WDR27: variants seen among roughly 807,000 people sequenced by gnomAD.
WDR27 encodes the protein WD repeat-containing protein 27.
In WDR27, 100 loss-of-function variants were observed where a neutral mutation model predicts 114.4. That is an observed-to-expected ratio of 0.87 (90% CI 0.74 to 1.03). WDR27 has a LOEUF of 1.03. Ranked by LOEUF, WDR27 falls within the 50% of genes least tolerant of loss-of-function variation. The pLI, the probability that WDR27 is intolerant of heterozygous loss-of-function variation, is 0.00. For synonymous variants in WDR27, 449 were observed against 423.1 expected (o/e 1.06, Z -0.75); for missense variants, 1,129 against 1,092.9 (o/e 1.03, Z -0.47).
At chr6:169,591,889 A>C (rs112579316) in intron 23 of WDR27, among the ~76,000 whole-genome samples, 2,696 of 151,060 alleles carry the variant, frequency 0.018, 25 homozygotes, top group Non-Finnish European at 0.028. Flanking sequence ...TCCCTGGCTC[A>C]TCTTGTAAGT....
At chr6:169,626,195 G>A (rs532469039) in intron 21 of WDR27, among the ~76,000 whole-genome samples, 2 of 152,314 alleles carry the variant, frequency 1.3e-5, no homozygotes, top group Admixed American at 6.5e-5. Context: ...AGCTGCTGGG[G>A]AGCAACTGCA....
intron 25 of WDR27, among the ~76,000 whole-genome samples, chr6:169,538,882 CACACATTACAG>C (rs1205558472): frequency 2.6e-5 from 4 of 152,142 alleles, no homozygotes; most frequent in Non-Finnish European, 5.9e-5. Flanking sequence ...CCATGAAATA[CACACATTACAG>C]ACTACCAAAT....
At chr6:169,436,261 C>A in the WDR27 span, among the ~76,000 whole-genome samples, 22 of 152,208 alleles carry the variant, frequency 1.4e-4, no homozygotes, top group South Asian at 4.1e-3. Context: ...AAAAATAGAG[C>A]TGTTTTCAGA....
chr6:169,525,861 A>C (rs142738707), intron 25 of WDR27, among the ~76,000 whole-genome samples: 38 of 152,348 alleles, frequency 2.5e-4, no homozygotes, highest in African/African-American at 8.7e-4. Flanking sequence ...GGACAAATGG[A>C]TAAAGAAAAT....
chr6:169,448,432 A>ATT, the WDR27 span, among the ~76,000 whole-genome samples: 3 of 150,336 alleles, frequency 2.0e-5, no homozygotes. Context: ...GTATATATAT[A>ATT]TATTTTTTTA....
chr6:169,428,370 G>T, the WDR27 span, among the ~76,000 whole-genome samples: 1 of 152,174 alleles, frequency 6.6e-6, no homozygotes, highest in Non-Finnish European at 1.5e-5. Flanking sequence ...AGCCATTTCA[G>T]AAAGTTTAGA....
chr6:169,641,430 T>G (rs1161790597), intron 17 of WDR27, among the ~76,000 whole-genome samples: 1 of 152,132 alleles, frequency 6.6e-6, no homozygotes, highest in African/African-American at 2.4e-5. Context: ...CCCTCCTCTT[T>G]TCAGTTGGCC....
intron 23 of WDR27, among the ~76,000 whole-genome samples, chr6:169,596,567 G>A (rs935267568): frequency 6.6e-6 from 1 of 151,658 alleles, no homozygotes; most frequent in African/African-American, 2.4e-5. Flanking sequence ...TTTTTATGGT[G>A]TACTCTTGTT....
intron 24 of WDR27, among the ~76,000 whole-genome samples, chr6:169,575,725 C>A (rs1037361461): frequency 3.3e-5 from 5 of 152,196 alleles, no homozygotes. Flanking sequence ...TATTTTGATG[C>A]ACCATCTAAT....
intron 25 of WDR27, among the ~76,000 whole-genome samples, chr6:169,472,820 A>G (rs934886298): frequency 6.6e-6 from 1 of 152,186 alleles, no homozygotes; most frequent in African/African-American, 2.4e-5. Context: ...CATTTATTTA[A>G]AAGTCCCAAA....
At chr6:169,428,775 CT>C in the WDR27 span, among the ~76,000 whole-genome samples, 1 of 152,308 alleles carries the variant, frequency 6.6e-6, no homozygotes, top group Admixed American at 6.5e-5. Context: ...AGGGTGAGCC[CT>C]TGCCTTCACA....
chr6:169,665,383 A>T, intron 7 of WDR27, 103 bp downstream of exon 7: 1 of 1,474,260 alleles, frequency 6.8e-7, no homozygotes, highest in Middle Eastern at 1.8e-4. Context: ...GGTTTTTTCA[A>T]ATCGCAGGAA....
Position 169,498,935 on chromosome 6 carries a change from A to ACGGAACTGCATACCTGCG in WDR27, c.2646-41319_2646-41302dup, listed in dbSNP as rs1307772799. On this transcript the variant is annotated intron_variant, in intron 25 of 25. Transcript: ENST00000448612. The stretch of plus-strand genomic sequence containing the variant: ...ATCTAGACACATGTAATAATACTGC[A>ACGGAACTGCATACCTGCG]CGGAACTGCATACCTGCGCAGAACT... Among the ~76,000 whole-genome samples the ACGGAACTGCATACCTGCG allele has an allele frequency of 2.6e-5, 4 of 152,312 alleles. No individual in the cohort carries two copies. The East Asian group carries it at 5.8e-4, about 22-fold the overall frequency.
chr6:169,687,194 T>C (rs2128295767), intron 2 of WDR27, among the ~76,000 whole-genome samples: 1 of 152,274 alleles, frequency 6.6e-6, no homozygotes, highest in East Asian at 1.9e-4. Context: ...CCATCCCAAT[T>C]ATCCTGATTT....
intron 25 of WDR27, among the ~76,000 whole-genome samples, chr6:169,505,410 C>T (rs1322863243): frequency 6.6e-6 from 1 of 152,178 alleles, no homozygotes; most frequent in Non-Finnish European, 1.5e-5. Context: ...CAGATAGGCA[C>T]ATGCACCATT....
chr6:169,431,886 G>T, the WDR27 span, among the ~76,000 whole-genome samples: 1 of 152,096 alleles, frequency 6.6e-6, no homozygotes, highest in Admixed American at 6.6e-5. Context: ...TTTCTCAACT[G>T]GTATCTTAAG....
At chr6:169,651,721 G>T (rs1054708215) in intron 14 of WDR27, among the ~76,000 whole-genome samples, 1 of 152,152 alleles carries the variant, frequency 6.6e-6, no homozygotes, top group Non-Finnish European at 1.5e-5. Flanking sequence ...CCCAGCACAT[G>T]GTGAATGCTC....
At chr6:169,509,899 T>C (rs1792568090) in intron 25 of WDR27, among the ~76,000 whole-genome samples, 1 of 152,096 alleles carries the variant, frequency 6.6e-6, no homozygotes, top group African/African-American at 2.4e-5. Context: ...AGAGCTTATA[T>C]CCAGAATCTA....
At chr6:169,465,258 C>CAAAAAAAAAAA (rs56688798) in intron 25 of WDR27, among the ~76,000 whole-genome samples, 12 of 101,142 alleles carry the variant, frequency 1.2e-4, no homozygotes, top group East Asian at 4.7e-4. Flanking sequence ...AACTCCATCT[C>CAAAAAAAAAAA]AAAAAAAAAA....
Sources: gnomAD v4.1 joint callset for allele counts (sites outside exome capture counted in the v4.1 genomes callset) on GRCh38, gnomAD v4.1.1 for gene constraint, MANE v1.5 for transcripts, NCBI Gene and HGNC (gene_info 2026-07-23, HGNC 2026-07-21) for gene names.